Variants in NOP56 observed in about 807,000 individuals in gnomAD.
The protein encoded by NOP56 is NOP56 ribonucleoprotein.
In NOP56, 31 loss-of-function variants were observed where a neutral mutation model predicts 58.3. The ratio of observed to expected loss-of-function variants is 0.53; its 90% CI spans 0.40 to 0.72. The LOEUF (loss-of-function observed/expected upper bound fraction) is 0.72, where lower values mean the gene tolerates loss of function less well. Ranked by LOEUF, NOP56 falls within the 30% of genes least tolerant of loss-of-function variation. The probability of loss-of-function intolerance (pLI) is 0.00; values close to 1 mark genes in which losing one functional copy is unlikely to be tolerated. For synonymous variants in NOP56, 313 were observed against 282.8 expected (o/e 1.11, Z -1.07); for missense variants, 669 against 739.9 (o/e 0.90, Z 1.11).
intron 5 of NOP56, 61 bp downstream of exon 5, chr20:2,655,008 AG>A: frequency 6.3e-7 from 1 of 1,589,658 alleles, no homozygotes. Flanking sequence ...GTTAATTTTG[AG>A]TCTTGATGAG....
intron 11 of NOP56, chr20:2,657,663 T>A: frequency 1.9e-6 from 1 of 518,400 alleles, no homozygotes; most frequent in South Asian, 2.7e-5. Context: ...GTCTGGAACT[T>A]GGCATGATGG....
In NOP56 at chr20:2,652,653, C is replaced by T; in HGVS notation, c.-8C>T. ...CCGCATTGCGAGCCGAACCCGGGAG[C>T]TGGCGCCATGGTGAGGAGTGGTTGC... On this transcript the variant is annotated 5_prime_UTR_variant, in exon 1 of 12. Coordinates refer to ENST00000329276, the MANE Select transcript of NOP56 (RefSeq NM_006392.4). The T allele has an allele frequency of 2.1e-6, 3 of 1,427,876 alleles. No individual in the cohort carries two copies. The highest frequency in any genetic ancestry group is 1.8e-6 in the Non-Finnish European group (2 of 1,098,670). 88.5% of individuals were successfully genotyped at this position (1,427,876 alleles called of 1,614,324 possible). A position where few individuals can be genotyped will look rare whatever the true frequency, so the allele number is the denominator to read the frequency against.
chr20:2,652,760 C>CCTGGGT (rs760949894), intron 1 of NOP56, 82 bp from the exon 2 acceptor site: 2 of 1,544,900 alleles, frequency 1.3e-6, no homozygotes, highest in Non-Finnish European at 1.7e-6. Flanking sequence ...TGGGCCTGCG[C>CCTGGGT]CTGCGCCTGC....
intron 3 of NOP56, 94 bp from the exon 4 acceptor site, chr20:2,654,320 C>T: frequency 2.3e-6 from 3 of 1,330,282 alleles, no homozygotes; most frequent in South Asian, 2.4e-5. Flanking sequence ...TATGCCATCC[C>T]AGCGTGCTCG....
intron 11 of NOP56, chr20:2,657,541 G>A (rs1029822551): frequency 5.9e-5 from 32 of 544,002 alleles, no homozygotes; most frequent in African/African-American, 2.5e-4. Context: ...GGAGGTGGTC[G>A]TGTTTCACAG....
Position 2,656,807 on chromosome 20 carries a change from G to A in NOP56, c.1193G>A (p.Arg398Gln), listed in dbSNP as rs764465169. Residue 398 changes from arginine (R) to glutamine (Q), a missense_variant, in exon 10 of 12, where the codon CGA becomes CAA. Transcript: ENST00000329276. The stretch of plus-strand genomic sequence containing the variant: ...ACGAGTGTATTCGGGGAGAAGCTTC[G>A]AGAACAAGTTGAAGAGCGACTGTCC... Reference protein sequence around the residue: ...VPTSVFGEKLREQVEERLSFY... With the variant: ...VPTSVFGEKLQEQVEERLSFY... 9.9e-6 allele frequency: 16 copies of A among 1,613,980 alleles called. No individual in the cohort carries two copies. Among genetic ancestry groups the A allele is most frequent in the East Asian group, 4.5e-5 (2 of 44,892 alleles).
intron 2 of NOP56, 110 bp downstream of exon 2, chr20:2,653,041 G>T: frequency 2.0e-6 from 2 of 1,006,884 alleles, no homozygotes; most frequent in South Asian, 1.6e-5. Flanking sequence ...GGGGCGGGGG[G>T]ACGGGCCTGG....
At chr20:2,656,248 G>A (rs1294260819) in intron 8 of NOP56, 153 bp from the exon 9 acceptor site, 2 of 1,605,174 alleles carry the variant, frequency 1.2e-6, no homozygotes, top group African/African-American at 2.7e-5. Flanking sequence ...CTCTGCCTCT[G>A]GGAGCTATGG....
At chr20:2,653,041 G>A (rs2086770772) in intron 2 of NOP56, 110 bp downstream of exon 2, 6 of 1,006,766 alleles carry the variant, frequency 6.0e-6, no homozygotes, top group South Asian at 4.8e-5. Context: ...GGGGCGGGGG[G>A]ACGGGCCTGG....
chr20:2,656,722 G>C (rs765528168), intron 9 of NOP56, 52 bp from the exon 10 acceptor site: 1 of 1,614,006 alleles, frequency 6.2e-7, no homozygotes, highest in Non-Finnish European at 8.5e-7. Context: ...ACACAGGGTT[G>C]GGGTAGTTTC....
rs375732025 is a variant in NOP56, at chr20:2,652,641, C to T, written c.-20C>T. The T allele has an allele frequency of 5.0e-6, 7 of 1,411,000 alleles. No individual in the cohort carries two copies. In the African/African-American group the frequency reaches 7.6e-5, roughly 15 times the overall value. 87.4% of individuals were successfully genotyped at this position (1,411,000 alleles called of 1,614,324 possible). A position where few individuals can be genotyped will look rare whatever the true frequency, so the allele number is the denominator to read the frequency against. On this transcript the variant is annotated 5_prime_UTR_variant, in exon 1 of 12. Coordinates refer to ENST00000329276, the MANE Select transcript of NOP56 (RefSeq NM_006392.4). ...GGAGCGCGCTAGCCGCATTGCGAGC[C>T]GAACCCGGGAGCTGGCGCCATGGTG...
chr20:2,658,363 C>T lies in NOP56; in HGVS notation c.*69C>T, dbSNP rs6107090. 588 of 1,606,942 alleles carry T rather than the reference C, an allele frequency of 3.7e-4. 2 individuals are homozygous for T. In the Admixed American group the frequency reaches 6.3e-3, roughly 17 times the overall value. On this transcript the variant is annotated 3_prime_UTR_variant, in exon 12 of 12. Transcript: ENST00000329276. ...CAAGGTGACATTTCCCACCCTGTGC[C>T]GTGTTCCCCAATAAAAACAAATTCA...
chr20:2,657,699 GT>G, intron 11 of NOP56: 1 of 544,294 alleles, frequency 1.8e-6, no homozygotes, highest in Non-Finnish European at 3.2e-6. Context: ...CATGGTGGGT[GT>G]TTTTTAGGTT....
At chr20:2,653,210 C>A in intron 2 of NOP56, 69 bp from the exon 3 acceptor site, 4 of 1,282,084 alleles carry the variant, frequency 3.1e-6, no homozygotes, top group Non-Finnish European at 4.5e-6. Flanking sequence ...AGGCTGAGAA[C>A]CGCTGCTTGA....
At chr20:2,653,506 G>GA (rs1600155317) in intron 3 of NOP56, 113 bp downstream of exon 3, 2 of 797,010 alleles carry the variant, frequency 2.5e-6, no homozygotes, top group East Asian at 4.9e-5. Flanking sequence ...TGATAGGCGT[G>GA]AGGCAGTATT....
At chr20:2,654,077 A>G (rs866619151) in intron 3 of NOP56, 2 of 501,708 alleles carry the variant, frequency 4.0e-6, no homozygotes, top group South Asian at 3.2e-5. Flanking sequence ...TTGGGTAAAC[A>G]CAGGCTGAGA....
intron 5 of NOP56, 119 bp from the exon 6 acceptor site, chr20:2,655,206 G>A (rs1478616719): frequency 7.6e-7 from 1 of 1,312,102 alleles, no homozygotes. Flanking sequence ...TAGAATTGAG[G>A]AAGATTTGGA....
In NOP56 at chr20:2,654,909, G is replaced by A. The variant is rs373127184; in HGVS notation, c.531G>A (p.Gln177=). The change falls in exon 5 of 12, where the codon CAG becomes CAA. Residue 177 remains glutamine (Q), a synonymous_variant. Coordinates refer to ENST00000329276, the MANE Select transcript of NOP56 (RefSeq NM_006392.4). ...TCCAGTCCATTAGCCTCCTGGACCA[G>A]CTGGATAAGGACATCAATACCTTCT... ...MIIQSISLLD[Q]LDKDINTFSM... The A allele has an allele frequency of 3.7e-5, 60 of 1,614,092 alleles. No individual in the cohort carries two copies. Among genetic ancestry groups the A allele is most frequent in the Admixed American group, 2.0e-4 (12 of 60,008 alleles).
intron 3 of NOP56, chr20:2,653,599 C>G: frequency 1.8e-6 from 1 of 563,484 alleles, no homozygotes; most frequent in East Asian, 3.0e-5. Context: ...ACTGTTTAAG[C>G]AGACGATGTG....
Sources: allele counts gnomAD v4.1 joint callset, GRCh38; gene constraint gnomAD v4.1.1; transcripts MANE v1.5; gene names NCBI Gene and HGNC (gene_info 2026-07-23, HGNC 2026-07-21).